Variants in WDR7 observed in about 807,000 individuals in gnomAD.
WDR7 encodes the protein WD repeat-containing protein 7.
WDR7 carries 46 observed loss-of-function variants against 169.4 expected under a neutral mutation model. The ratio of observed to expected loss-of-function variants is 0.27; its 90% CI spans 0.21 to 0.35. The LOEUF is 0.35. Among genes scored for constraint, WDR7 ranks in the 10% least tolerant of loss-of-function variants. WDR7 has a pLI of 1.00. For synonymous variants in WDR7, 612 were observed against 666.8 expected, an observed-to-expected ratio of 0.92 and a Z score of 1.27; for missense variants, 1,534 against 1,859.3, an observed-to-expected ratio of 0.83 and a Z score of 3.22.
Position 56,756,772 on chromosome 18 carries a change from TCAGA to T in WDR7, c.2182_2185del (p.Asp728LysfsTer6), listed in dbSNP as rs1164465343. The T allele has an allele frequency of 6.2e-7, 1 of 1,614,102 alleles. No individual in the cohort carries two copies. The highest frequency in any genetic ancestry group is 1.7e-5 in the Admixed American group (1 of 60,004). On this transcript the variant is annotated frameshift_variant, in exon 15 of 28. Transcript: ENST00000254442. LOFTEE classifies it high-confidence loss of function. The stretch of plus-strand genomic sequence containing the variant: ...GAATTTGCAAAAAGCATCTGGCAGT[TCAGA>T]CAAAGGGGGCTCTTTTTTAACTGGA...
intron 27 of WDR7, among the ~76,000 whole-genome samples, chr18:57,026,055 T>C (rs1163710851): frequency 6.6e-6 from 1 of 152,224 alleles, no homozygotes; most frequent in Non-Finnish European, 1.5e-5. Context: ...ATTCTTTCCA[T>C]GTGATATTAT....
intron 5 of WDR7, among the ~76,000 whole-genome samples, chr18:56,685,090 A>C (rs953909043): frequency 6.6e-6 from 1 of 152,206 alleles, no homozygotes; most frequent in African/African-American, 2.4e-5. Context: ...AATTAATTTC[A>C]ATGCCTTACA....
chr18:56,762,137 A>G (rs2043988912), intron 16 of WDR7, among the ~76,000 whole-genome samples: 1 of 152,242 alleles, frequency 6.6e-6, no homozygotes, highest in East Asian at 1.9e-4. Context: ...TGGCAAATTT[A>G]GAACATAAAC....
chr18:57,006,871 C>T (rs1191788226), intron 26 of WDR7, among the ~76,000 whole-genome samples: 4 of 151,886 alleles, frequency 2.6e-5, no homozygotes, highest in African/African-American at 9.7e-5. Context: ...GAAGAATCTG[C>T]ATATCTAAGT....
intron 20 of WDR7, among the ~76,000 whole-genome samples, chr18:56,837,905 C>T (rs1040843071): frequency 1.3e-5 from 2 of 152,086 alleles, no homozygotes; most frequent in Admixed American, 6.6e-5. Context: ...GGTGAGCCAC[C>T]GTGCCCAGCC....
At chr18:56,701,554 A>T (rs966915632) in intron 12 of WDR7, among the ~76,000 whole-genome samples, 4 of 152,192 alleles carry the variant, frequency 2.6e-5, no homozygotes, top group African/African-American at 9.7e-5. Context: ...GACAGTTCTT[A>T]TGAATTTTAA....
chr18:56,913,761 C>T (rs1196240730), intron 21 of WDR7, among the ~76,000 whole-genome samples: 3 of 152,036 alleles, frequency 2.0e-5, no homozygotes, highest in Non-Finnish European at 4.4e-5. Flanking sequence ...CACCACTGCA[C>T]TCCAGCCTGG....
intron 19 of WDR7, among the ~76,000 whole-genome samples, chr18:56,812,179 G>A (rs1265897875): frequency 6.6e-6 from 1 of 152,092 alleles, no homozygotes; most frequent in Admixed American, 6.6e-5. Context: ...TACAAGACCT[G>A]TTTGTGGTTT....
At chr18:56,754,320 T>C (rs184615428) in intron 14 of WDR7, among the ~76,000 whole-genome samples, 11 of 149,478 alleles carry the variant, frequency 7.4e-5, no homozygotes, top group Admixed American at 5.3e-4. Flanking sequence ...TACATATATA[T>C]GTGTGTATAT....
At chr18:56,775,910 G>A (rs1838025405) in intron 16 of WDR7, among the ~76,000 whole-genome samples, 1 of 152,180 alleles carries the variant, frequency 6.6e-6, no homozygotes, top group Non-Finnish European at 1.5e-5. Flanking sequence ...AGAAAGGAGA[G>A]GGATTAATTT....
intron 26 of WDR7, among the ~76,000 whole-genome samples, chr18:56,996,328 G>A (rs1047394012): frequency 6.6e-6 from 1 of 152,008 alleles, no homozygotes; most frequent in Non-Finnish European, 1.5e-5. Context: ...GCTCTTTTGT[G>A]CATATAATTA....
At chr18:56,717,875 TA>T (rs915766248) in intron 12 of WDR7, 88 bp from the exon 13 acceptor site, 78 of 1,285,382 alleles carry the variant, frequency 6.1e-5, no homozygotes, top group Non-Finnish European at 7.9e-5. Context: ...AGCAAATGTA[TA>T]ATTAATTTTG....
At chr18:56,847,130 A>G (rs1256315095) in intron 20 of WDR7, among the ~76,000 whole-genome samples, 2 of 152,180 alleles carry the variant, frequency 1.3e-5, no homozygotes, top group Non-Finnish European at 2.9e-5. Context: ...ATGGACAGTA[A>G]AGGCTACACT....
chr18:57,012,587 C>G (rs532072389), intron 26 of WDR7, among the ~76,000 whole-genome samples: 17 of 152,350 alleles, frequency 1.1e-4, no homozygotes, highest in Middle Eastern at 3.4e-3. Flanking sequence ...TCCAAGCAGC[C>G]CTGCTGTAGC....
intron 12 of WDR7, among the ~76,000 whole-genome samples, 198 bp from the exon 13 acceptor site, chr18:56,717,766 T>C (rs1236222447): frequency 6.6e-6 from 1 of 152,240 alleles, no homozygotes; most frequent in Non-Finnish European, 1.5e-5. Flanking sequence ...AGAATTAATT[T>C]AGTATAAAAA....
At chr18:56,844,988 T>C (rs1160686329) in intron 20 of WDR7, among the ~76,000 whole-genome samples, 1 of 152,188 alleles carries the variant, frequency 6.6e-6, no homozygotes, top group Non-Finnish European at 1.5e-5. Context: ...AATTTATAAG[T>C]TAAACTTTAT....
At chr18:56,744,651 C>T (rs1481476011) in intron 14 of WDR7, among the ~76,000 whole-genome samples, 11 of 152,122 alleles carry the variant, frequency 7.2e-5, no homozygotes, top group African/African-American at 2.4e-4. Flanking sequence ...GGTTCCCAAA[C>T]CATGCTGCAC....
At chr18:56,913,331 A>G (rs2046578299) in intron 21 of WDR7, among the ~76,000 whole-genome samples, 1 of 152,162 alleles carries the variant, frequency 6.6e-6, no homozygotes, top group Admixed American at 6.5e-5. Context: ...AAACAACAAG[A>G]GGAAACTCTT....
intron 7 of WDR7, among the ~76,000 whole-genome samples, chr18:56,690,579 C>G (rs1445464086): frequency 6.6e-6 from 1 of 152,064 alleles, no homozygotes; most frequent in African/African-American, 2.4e-5. Context: ...CTTTAGGAGG[C>G]CAGGGTGGGA....
Sources: gnomAD v4.1 joint callset for allele counts (sites outside exome capture counted in the v4.1 genomes callset) on GRCh38, gnomAD v4.1.1 for gene constraint, MANE v1.5 for transcripts, NCBI Gene and HGNC (gene_info 2026-07-23, HGNC 2026-07-21) for gene names.